Variants in KIRREL1 observed in about 807,000 individuals in gnomAD.
KIRREL1 encodes the protein kirre like nephrin family adhesion molecule 1.
In KIRREL1, 25 loss-of-function variants were observed where a neutral mutation model predicts 83.3. The observed-to-expected ratio is 0.30, with a 90% CI of 0.22 to 0.42. The LOEUF is 0.42. Among genes scored for constraint, KIRREL1 ranks in the 10% least tolerant of loss-of-function variants. KIRREL1 has a pLI of 1.00. For missense variants in KIRREL1, 812 were observed against 1,032.3 expected (o/e 0.79, Z 2.92); for synonymous variants, 388 against 410.4 (o/e 0.95, Z 0.66).
At chr1:158,036,715 T>G (rs1279431860) in intron 1 of KIRREL1, among the ~76,000 whole-genome samples, 1 of 152,162 alleles carries the variant, frequency 6.6e-6, no homozygotes, top group African/African-American at 2.4e-5. Flanking sequence ...TGTCCTCCAG[T>G]CTACAGTGAA....
chr1:158,040,804 AAGAT>A (rs1660604115), intron 1 of KIRREL1, among the ~76,000 whole-genome samples: 1 of 152,208 alleles, frequency 6.6e-6, no homozygotes, highest in East Asian at 1.9e-4. Context: ...TGGGGGGCTG[AAGAT>A]AAGATGGAAA....
chr1:158,086,577 C>T lies in KIRREL1; in HGVS notation c.511-19C>T, dbSNP rs374520719. On this transcript the variant is annotated intron_variant, in intron 4 of 14. Coordinates refer to ENST00000359209, the MANE Select transcript of KIRREL1 (RefSeq NM_018240.7). ...GGGCTTTTAGCTTAACCATATCTCC[C>T]ACCCTTGTCATGTTCCAGGAATTGC... 2.0e-5 allele frequency: 31 copies of T among 1,551,314 alleles called. No homozygotes were observed. Among genetic ancestry groups the T allele is most frequent in the African/African-American group, 8.2e-5 (6 of 73,070 alleles).
At chr1:158,090,904 C>T (rs919296429) in intron 10 of KIRREL1, among the ~76,000 whole-genome samples, 2 of 152,170 alleles carry the variant, frequency 1.3e-5, no homozygotes, top group African/African-American at 2.4e-5. Flanking sequence ...AGGGAGGCCA[C>T]ACAGGGGCTT....
At chr1:158,068,639 C>T (rs1661420912) in intron 1 of KIRREL1, among the ~76,000 whole-genome samples, 2 of 152,220 alleles carry the variant, frequency 1.3e-5, no homozygotes, top group African/African-American at 4.8e-5. Flanking sequence ...TTCTTGCCTT[C>T]TCTTCTCCTC....
intron 1 of KIRREL1, among the ~76,000 whole-genome samples, chr1:158,049,678 G>A (rs1425098414): frequency 6.6e-6 from 1 of 151,824 alleles, no homozygotes; most frequent in Non-Finnish European, 1.5e-5. Context: ...CAATTAGGAA[G>A]TTATTGCAGT....
rs761914988 is a variant in KIRREL1 at position 158,088,389 on chromosome 1, C to A, written c.979C>A (p.Leu327Ile). The A allele has an allele frequency of 3.7e-6, 6 of 1,613,898 alleles. No homozygotes were observed. Among genetic ancestry groups the A allele is most frequent in the Non-Finnish European group, 5.1e-6 (6 of 1,179,982 alleles). The stretch of plus-strand genomic sequence containing the variant: ...CACAGACATTGGCTCTGATGTGACC[C>A]TTACCTGTGTCTGGGTTGGGAATCC... ...TTTDIGSDVT[L>I]TCVWVGNPPL... is the part of the protein sequence containing the mutation. The change falls in exon 8 of 15, where the codon CTT (leucine) becomes ATT (isoleucine). Residue 327 changes from leucine to isoleucine, a missense_variant. By Grantham distance (5) the Leu-to-Ile change is conservative. This residue lies in a region of KIRREL1 where 472 missense variants were observed against 626.8 expected (regional missense o/e 0.75). Transcript: ENST00000359209.
chr1:158,010,107 C>T (rs1233686438), intron 1 of KIRREL1, among the ~76,000 whole-genome samples: 1 of 152,008 alleles, frequency 6.6e-6, no homozygotes, highest in African/African-American at 2.4e-5. Flanking sequence ...CCTTCCTATC[C>T]GGTAAGAGTT....
rs549992150 is a variant in KIRREL1, at chr1:158,033,279, C to A, written c.52+39551C>A. The stretch of plus-strand genomic sequence containing the variant: ...TAAAGACGGGGTTTCACCATGTTGA[C>A]CAGGCTGGTCTCAGACTCCTGACCT... On this transcript the variant is annotated intron_variant, in intron 1 of 14. Coordinates refer to ENST00000359209, the MANE Select transcript of KIRREL1 (RefSeq NM_018240.7). 5.9e-5 allele frequency among the ~76,000 whole-genome samples: 9 copies of A among 152,278 alleles called. No individual in the cohort carries two copies. In the South Asian group the frequency reaches 1.9e-3, roughly 32 times the overall value.
chr1:158,051,853 G>A (rs572855898), intron 1 of KIRREL1, among the ~76,000 whole-genome samples: 6 of 152,138 alleles, frequency 3.9e-5, no homozygotes, highest in African/African-American at 1.4e-4. Context: ...CCTCCTCTTT[G>A]GTTACCCAAA....
intron 1 of KIRREL1, among the ~76,000 whole-genome samples, chr1:158,075,589 C>A (rs746762968): frequency 6.6e-6 from 1 of 152,226 alleles, no homozygotes; most frequent in African/African-American, 2.4e-5. Context: ...GGAATTGTAC[C>A]TGGCATAGTT....
At chr1:158,064,019 A>G (rs917136738) in intron 1 of KIRREL1, among the ~76,000 whole-genome samples, 6 of 152,204 alleles carry the variant, frequency 3.9e-5, no homozygotes, top group Non-Finnish European at 8.8e-5. Context: ...GAATAGATGT[A>G]TGTTGAATTA....
intron 1 of KIRREL1, among the ~76,000 whole-genome samples, chr1:158,029,060 G>C (rs537998843): frequency 6.6e-6 from 1 of 152,264 alleles, no homozygotes; most frequent in Non-Finnish European, 1.5e-5. Flanking sequence ...GATACGTATG[G>C]TCCAGCCCCT....
At chr1:158,071,313 C>G (rs903352519) in intron 1 of KIRREL1, among the ~76,000 whole-genome samples, 3 of 152,178 alleles carry the variant, frequency 2.0e-5, no homozygotes, top group African/African-American at 7.2e-5. Context: ...TGTTTCTCAG[C>G]GTTGTCTACG....
intron 1 of KIRREL1, among the ~76,000 whole-genome samples, chr1:157,995,425 T>C (rs982309989): frequency 6.6e-6 from 1 of 151,850 alleles, no homozygotes; most frequent in African/African-American, 2.4e-5. Context: ...GAAGATGACT[T>C]AAGTTCTGAC....
intron 1 of KIRREL1, among the ~76,000 whole-genome samples, chr1:158,034,994 G>T (rs1660436057): frequency 6.6e-6 from 1 of 151,924 alleles, no homozygotes; most frequent in African/African-American, 2.4e-5. Context: ...CTGGTTGTGT[G>T]TGTGTTCATG....
chr1:158,090,647 G>T (rs1265188864), intron 10 of KIRREL1, among the ~76,000 whole-genome samples: 1 of 152,184 alleles, frequency 6.6e-6, no homozygotes, highest in South Asian at 2.1e-4. Context: ...GGAATGGTCC[G>T]GCTGAGAAGT....
rs1571006194 is a variant in KIRREL1, at chr1:158,094,557, G to A, written c.1798-87G>A. The A allele has an allele frequency of 8.5e-6, 11 of 1,286,784 alleles. No individual in the cohort carries two copies. The highest frequency in any genetic ancestry group is 1.5e-5 in the African/African-American group (1 of 68,546). The allele number at this position is 1,286,784 out of a possible 1,614,324, so 79.7% of individuals were successfully genotyped here. A position where few individuals can be genotyped will look rare whatever the true frequency, so the allele number is the denominator to read the frequency against. On this transcript the variant is annotated intron_variant, in intron 14 of 14. Coordinates refer to ENST00000359209, the MANE Select transcript of KIRREL1 (RefSeq NM_018240.7). The surrounding 1 kb of genome is among the most constrained non-coding windows in gnomAD (Gnocchi z 4.6). ...CTAGATGGGGACATAGGGAGAGCTG[G>A]AGGAAGAGGCCCAGAAAGCCATGGT...
intron 1 of KIRREL1, among the ~76,000 whole-genome samples, chr1:158,054,544 A>G (rs1661000337): frequency 6.6e-6 from 1 of 152,028 alleles, no homozygotes; most frequent in African/African-American, 2.4e-5. Flanking sequence ...TCCTCAAATA[A>G]CTCACACCAT....
chr1:158,065,748 C>T (rs961707906), intron 1 of KIRREL1, among the ~76,000 whole-genome samples: 2 of 152,136 alleles, frequency 1.3e-5, no homozygotes, highest in African/African-American at 4.8e-5. Flanking sequence ...TCCTTTTCTT[C>T]AACCTAGAAG....
Sources: gnomAD v4.1 joint callset for allele counts (sites outside exome capture counted in the v4.1 genomes callset) on GRCh38, gnomAD v4.1.1 for gene constraint, gnomAD v4.1.1 regional missense constraint, Gnocchi (gnomAD v3.1) non-coding constraint, MANE v1.5 for transcripts, NCBI Gene and HGNC (gene_info 2026-07-23, HGNC 2026-07-21) for gene names.